The following WDR45B variants were observed in gnomAD, a reference collection of about 807,000 sequenced individuals.
WDR45B encodes the protein WD repeat domain phosphoinositide-interacting protein 3.
A neutral mutation model predicts 44.6 loss-of-function variants in WDR45B; 20 were observed. That is an observed-to-expected ratio of 0.45 (90% confidence interval 0.32 to 0.65). WDR45B has a LOEUF of 0.65. WDR45B is among the 30% of genes least tolerant of loss of function. The pLI, the probability that WDR45B is intolerant of heterozygous loss-of-function variation, is 0.05. For synonymous variants in WDR45B, 169 were observed against 164.9 expected, an observed-to-expected ratio of 1.02 and a Z score of -0.19; for missense variants, 323 against 430.2, an observed-to-expected ratio of 0.75 and a Z score of 2.20.
At chr17:82,642,610 G>T (rs2045931822) in intron 2 of WDR45B, among the ~76,000 whole-genome samples, 1 of 152,214 alleles carries the variant, frequency 6.6e-6, no homozygotes, top group South Asian at 2.1e-4. Flanking sequence ...GCATGGTGGG[G>T]ACTGGGGCAG....
At chr17:82,646,488 CAA>C (rs779661551) in intron 1 of WDR45B, among the ~76,000 whole-genome samples, 1 of 19,946 alleles carries the variant, frequency 5.0e-5, no homozygotes, top group African/African-American at 1.7e-4. Flanking sequence ...AACTCCGTCT[CAA>C]AAAAAAAAAA....
In WDR45B at chr17:82,614,886, A is replaced by C. The variant is rs1377475260; in HGVS notation, c.*1033T>G. 2.0e-5 allele frequency: 3 copies of C among 152,198 alleles called. No homozygotes were observed. Among genetic ancestry groups the C allele is most frequent in the African/African-American group, 7.2e-5 (3 of 41,460 alleles). The allele number at this position is 152,198 out of a possible 1,614,324, so 9.4% of individuals were successfully genotyped here. Reference sequence around the variant, plus strand: ...TGTAGAGCCCATAACCTAGTTACCAAATGTTAAAAAAAGTTATGTGCCTCT... The same window carrying C: ...TGTAGAGCCCATAACCTAGTTACCACATGTTAAAAAAAGTTATGTGCCTCT... On this transcript the variant is annotated 3_prime_UTR_variant, in exon 10 of 10. Transcript: ENST00000392325.
intron 2 of WDR45B, among the ~76,000 whole-genome samples, chr17:82,633,180 A>C (rs1018129650): frequency 4.8e-5 from 7 of 145,980 alleles, no homozygotes; most frequent in East Asian, 2.0e-4. Flanking sequence ...AAAAAAAAAA[A>C]ACCAGCACGG....
Position 82,637,404 on chromosome 17 carries a change from C to A in WDR45B, c.143-6382G>T, listed in dbSNP as rs115567935. Among the ~76,000 whole-genome samples, 602 of 152,060 alleles carry A rather than the reference C, an allele frequency of 4.0e-3. 10 individuals carry two copies. Among genetic ancestry groups the A allele is most frequent in the African/African-American group, 0.014 (577 of 41,370 alleles). On this transcript the variant is annotated intron_variant, in intron 2 of 9. Transcript: ENST00000392325. ...ATGGTCTCTATTCTCACACAATCAC[C>A]AACACAGAAGACTTCTGTGACTAAA...
In WDR45B at chr17:82,617,288, A is replaced by G. The variant is rs919872494; in HGVS notation, c.806+8T>C. 3.1e-6 allele frequency: 5 copies of G among 1,611,942 alleles called. No individual in the cohort carries two copies. Among genetic ancestry groups the G allele is most frequent in the Non-Finnish European group, 4.2e-6 (5 of 1,179,726 alleles). Reference sequence around the variant, plus strand: ...CGGCTTTTCCCCAGCAGGCATCCTAACACCTACCTGGACTGTTTATTCCTT... The same window carrying G: ...CGGCTTTTCCCCAGCAGGCATCCTAGCACCTACCTGGACTGTTTATTCCTT... On this transcript the variant is annotated splice_region_variant and intron_variant, in intron 8 of 9. Coordinates refer to ENST00000392325, the MANE Select transcript of WDR45B (RefSeq NM_019613.4).
At position 82,648,388 on chromosome 17, in the gene WDR45B, C is replaced by G; in HGVS notation, c.-48G>C. On this transcript the variant is annotated 5_prime_UTR_variant, in exon 1 of 10. Coordinates refer to ENST00000392325, the MANE Select transcript of WDR45B (RefSeq NM_019613.4). ...GCTCCTCAGCGCTGCATGCCTCTCG[C>G]TGGGGACGGCGGCCTGGTCCCTTCG... is the stretch of plus-strand genomic sequence containing the variant. The G allele has an allele frequency of 6.3e-7, 1 of 1,589,622 alleles. No homozygotes were observed. The highest frequency in any genetic ancestry group is 8.5e-7 in the Non-Finnish European group (1 of 1,170,018).
chr17:82,619,859 G>A (rs550483328), intron 6 of WDR45B, among the ~76,000 whole-genome samples: 3 of 152,314 alleles, frequency 2.0e-5, no homozygotes, highest in Admixed American at 2.0e-4. Context: ...GGTGACTGCC[G>A]ACAGCACGGG....
intron 1 of WDR45B, among the ~76,000 whole-genome samples, chr17:82,646,239 C>T (rs1468675189): frequency 6.6e-6 from 1 of 151,736 alleles, no homozygotes; most frequent in Non-Finnish European, 1.5e-5. Context: ...GCCTGTAACC[C>T]CAGCACTTTG....
intron 3 of WDR45B, chr17:82,629,678 G>A (rs1372153942): frequency 6.1e-6 from 6 of 985,090 alleles, no homozygotes; most frequent in Non-Finnish European, 7.2e-6. Context: ...GTCCTCACCC[G>A]AGTGTGGTCT....
intron 2 of WDR45B, among the ~76,000 whole-genome samples, chr17:82,643,026 C>T (rs915418377): frequency 6.6e-6 from 1 of 152,244 alleles, no homozygotes; most frequent in African/African-American, 2.4e-5. Flanking sequence ...TGGCATCATA[C>T]ACTCCACAGC....
rs1344304954 is a variant in WDR45B, at chr17:82,630,643, C to G, written c.244+278G>C. On this transcript the variant is annotated intron_variant, in intron 3 of 9. Coordinates refer to ENST00000392325, the MANE Select transcript of WDR45B (RefSeq NM_019613.4). ...ACCTTGCTTTAAAATGAATTCATGA[C>G]ATTTACGACGTCAACCTAAGGTGCA... Among the ~76,000 whole-genome samples the G allele has an allele frequency of 2.6e-5, 4 of 152,144 alleles. 1 individual carries two copies. The South Asian group carries it at 6.2e-4, about 24-fold the overall frequency.
intron 3 of WDR45B, among the ~76,000 whole-genome samples, chr17:82,627,499 T>C (rs1313341523): frequency 1.3e-5 from 2 of 152,224 alleles, no homozygotes; most frequent in African/African-American, 4.8e-5. Context: ...CTCGGGCACC[T>C]TCCCCACTCA....
chr17:82,623,212 C>T (rs541819910), intron 5 of WDR45B, among the ~76,000 whole-genome samples: 26 of 150,556 alleles, frequency 1.7e-4, no homozygotes, highest in African/African-American at 6.4e-4. Context: ...CATAATGAAA[C>T]CCCGTCTCTA....
At position 82,616,664 on chromosome 17, in the gene WDR45B, A is replaced by G; in HGVS notation, c.807-19T>C. On this transcript the variant is annotated intron_variant, in intron 8 of 9. Transcript: ENST00000392325. ...GGCCAAACTGTGAAGACAAGAAAAGAAAGGGTGGTTCAAAGTTTACAGGAA... is the reference window on the plus strand; with the variant it reads ...GGCCAAACTGTGAAGACAAGAAAAGGAAGGGTGGTTCAAAGTTTACAGGAA... The G allele has an allele frequency of 6.2e-7, 1 of 1,614,108 alleles. No homozygotes were observed. Among genetic ancestry groups the G allele is most frequent in the Non-Finnish European group, 8.5e-7 (1 of 1,179,982 alleles).
At chr17:82,625,885 A>G (rs1389876156) in intron 4 of WDR45B, 1 of 255,526 alleles carries the variant, frequency 3.9e-6, no homozygotes, top group South Asian at 4.3e-5. Context: ...CATTATTATT[A>G]TTATTACTTT....
intron 3 of WDR45B, among the ~76,000 whole-genome samples, chr17:82,630,112 C>G (rs918914547): frequency 1.3e-5 from 2 of 152,136 alleles, no homozygotes; most frequent in Non-Finnish European, 2.9e-5. Context: ...GCTTGCTCCA[C>G]TTTTCCTGCC....
intron 6 of WDR45B, among the ~76,000 whole-genome samples, chr17:82,620,077 C>T (rs995076697): frequency 5.9e-5 from 9 of 152,178 alleles, no homozygotes; most frequent in Non-Finnish European, 7.3e-5. Flanking sequence ...ACAGAGGAAC[C>T]GCATTTCTAA....
At chr17:82,634,900 C>T (rs2045814066) in intron 2 of WDR45B, among the ~76,000 whole-genome samples, 2 of 151,862 alleles carry the variant, frequency 1.3e-5, no homozygotes, top group Non-Finnish European at 2.9e-5. Flanking sequence ...CAGAGATCAA[C>T]CTAGAGAACA....
chr17:82,638,631 A>T (rs565606672), intron 2 of WDR45B, among the ~76,000 whole-genome samples: 1 of 152,084 alleles, frequency 6.6e-6, no homozygotes, highest in Non-Finnish European at 1.5e-5. Context: ...AGTGAAAATC[A>T]ACCATTCTAG....
Sources: allele counts gnomAD v4.1 joint callset (sites outside exome capture counted in the v4.1 genomes callset), GRCh38; gene constraint gnomAD v4.1.1; transcripts MANE v1.5; gene names NCBI Gene and HGNC (gene_info 2026-07-23, HGNC 2026-07-21).